CEP135: variants seen among roughly 807,000 people sequenced by gnomAD.
CEP135 encodes the protein centrosomal protein 135.
In CEP135, 142 loss-of-function variants were observed where a neutral mutation model predicts 157.3. The ratio of observed to expected loss-of-function variants is 0.90; its 90% confidence interval spans 0.79 to 1.04. CEP135 has a LOEUF of 1.04. Ranked by LOEUF, CEP135 falls within the 50% of genes least tolerant of loss-of-function variation. The pLI, the probability that CEP135 is intolerant of heterozygous loss-of-function variation, is 0.00. For missense variants in CEP135, 1,317 were observed against 1,309.2 expected, an observed-to-expected ratio of 1.01 and a Z score of -0.09; for synonymous variants, 396 against 439.8, an observed-to-expected ratio of 0.90 and a Z score of 1.25.
chr4:55,995,488 T>A (rs1729941071), intron 15 of CEP135, among the ~76,000 whole-genome samples: 1 of 152,196 alleles, frequency 6.6e-6, no homozygotes, highest in Non-Finnish European at 1.5e-5. Context: ...CCTGTTAGAC[T>A]GTGCCGGCTA....
intron 22 of CEP135, 88 bp from the exon 23 acceptor site, chr4:56,019,265 T>C: frequency 1.0e-6 from 1 of 1,000,318 alleles, no homozygotes; most frequent in Non-Finnish European, 1.5e-6. Context: ...AGGTGAATAG[T>C]TCCACAGAGC....
At chr4:56,029,685 A>T (rs536233864) in intron 25 of CEP135, among the ~76,000 whole-genome samples, 1 of 152,366 alleles carries the variant, frequency 6.6e-6, no homozygotes, top group South Asian at 2.1e-4. Context: ...CTCCTAGGCG[A>T]TAAATCTGTA....
intron 25 of CEP135, among the ~76,000 whole-genome samples, chr4:56,027,871 AT>A (rs980012936): frequency 3.3e-5 from 5 of 151,952 alleles, no homozygotes. Flanking sequence ...TAATTCTAAG[AT>A]TTTTTTATCT....
rs192304683 is a variant in CEP135 at position 56,000,714 on chromosome 4, G to A, written c.2280+1069G>A. The stretch of plus-strand genomic sequence containing the variant: ...ATAATATTTCCTGTGTATATATACC[G>A]GGGGCAGATATTTCTTTGATATATT... On this transcript the variant is annotated intron_variant, in intron 17 of 25. Coordinates refer to ENST00000257287, the MANE Select transcript of CEP135 (RefSeq NM_025009.5). Among the ~76,000 whole-genome samples the A allele has an allele frequency of 8.4e-4, 128 of 152,158 alleles. 1 individual carries two copies. The highest frequency in any genetic ancestry group is 2.9e-3 in the African/African-American group (121 of 41,508).
chr4:55,996,389 C>T (rs190123827), intron 15 of CEP135, among the ~76,000 whole-genome samples: 1 of 152,284 alleles, frequency 6.6e-6, no homozygotes, highest in Admixed American at 6.5e-5. Flanking sequence ...CCAAAGAAGA[C>T]TCATAAGTTA....
intron 15 of CEP135, among the ~76,000 whole-genome samples, chr4:55,995,212 C>T (rs1425124156): frequency 6.6e-6 from 1 of 152,168 alleles, no homozygotes; most frequent in South Asian, 2.1e-4. Context: ...TCCCCTGGAG[C>T]ATGCTAGCCA....
rs867294693 is a variant in CEP135, at chr4:56,019,409, T to G, written c.3069T>G (p.Leu1023=). The change falls in exon 23 of 26, where the codon CTT becomes CTG. Residue 1023 remains leucine, a synonymous_variant. Transcript: ENST00000257287. The stretch of plus-strand genomic sequence containing the variant: ...AGTCAGACCTACTGAAAAAACAACT[T>G]TCAAATGAGAGACATACAGTTAAAA... ...KSESDLLKKQ[L]SNERHTVKNL... 1.2e-6 allele frequency: 2 copies of G among 1,613,838 alleles called. No homozygotes were observed. The highest frequency in any genetic ancestry group is 1.7e-6 in the Non-Finnish European group (2 of 1,179,960).
chr4:55,961,542 A>T (rs1451539179), intron 6 of CEP135, among the ~76,000 whole-genome samples: 1 of 152,028 alleles, frequency 6.6e-6, no homozygotes, highest in Admixed American at 6.6e-5. Flanking sequence ...AGGCGAGCAG[A>T]TCACCTGAGG....
At chr4:56,017,551 A>G (rs1730816670) in intron 21 of CEP135, 97 bp from the exon 22 acceptor site, 1 of 1,100,682 alleles carries the variant, frequency 9.1e-7, no homozygotes. Flanking sequence ...ATTGGCTGTC[A>G]TATTTTTCTA....
intron 15 of CEP135, among the ~76,000 whole-genome samples, chr4:55,998,134 C>T (rs1033099297): frequency 6.6e-6 from 1 of 152,152 alleles, no homozygotes; most frequent in African/African-American, 2.4e-5. Context: ...GAATTCAAAC[C>T]TCCTTCCCTT....
intron 6 of CEP135, among the ~76,000 whole-genome samples, chr4:55,961,764 TAAA>T (rs564116620): frequency 0.22 from 11,387 of 52,846 alleles, 628 homozygotes; most frequent in Non-Finnish European, 0.26. Context: ...AAACTCTGTC[TAAA>T]AAAAAAAAAA....
At chr4:55,980,096 A>G in intron 11 of CEP135, 47 bp from the exon 12 acceptor site, 3 of 1,463,388 alleles carry the variant, frequency 2.1e-6, no homozygotes, top group Non-Finnish European at 2.8e-6. Context: ...TATCCTTGTG[A>G]CAACCATGTG....
At chr4:56,012,616 A>G (rs903186697) in intron 21 of CEP135, among the ~76,000 whole-genome samples, 25 of 152,226 alleles carry the variant, frequency 1.6e-4, no homozygotes, top group African/African-American at 5.3e-4. Flanking sequence ...GATACCTCAT[A>G]TAGTGGAATC....
intron 11 of CEP135, among the ~76,000 whole-genome samples, chr4:55,976,623 A>G (rs1032360014): frequency 1.4e-4 from 22 of 152,208 alleles, no homozygotes; most frequent in African/African-American, 5.1e-4. Context: ...GGTACCTGGC[A>G]TAGACAAAGA....
rs1477336965 is a variant in CEP135, at chr4:55,987,333, A to G, written c.1857+1975A>G. ...CTGAGCTCTACTCAGCCGAAAACTT[A>G]AAGGGTACCCTTTATAGATCTGTGG... On this transcript the variant is annotated intron_variant, in intron 14 of 25. Transcript: ENST00000257287. 3.9e-5 allele frequency among the ~76,000 whole-genome samples: 6 copies of G among 152,200 alleles called. No homozygotes were observed. The South Asian group carries it at 1.2e-3, about 32-fold the overall frequency.
intron 21 of CEP135, among the ~76,000 whole-genome samples, chr4:56,012,293 T>C (rs1391127148): frequency 2.0e-5 from 3 of 152,224 alleles, no homozygotes; most frequent in Admixed American, 6.5e-5. Context: ...TGACCTTGAG[T>C]GATCCACCTG....
chr4:56,008,509 G>A, intron 18 of CEP135, 127 bp downstream of exon 18: 1 of 712,336 alleles, frequency 1.4e-6, no homozygotes, highest in Non-Finnish European at 2.4e-6. Context: ...GTCAATGGTA[G>A]CATCATTTTC....
In CEP135 at chr4:56,032,842, A is replaced by AAAGTGTGT. The variant is rs1292885824; in HGVS notation, c.*1494_*1495insAAGTGTGT. 1.6e-5 allele frequency: 2 copies of AAAGTGTGT among 124,840 alleles called. No individual in the cohort carries two copies. The highest frequency in any genetic ancestry group is 6.4e-5 in the African/African-American group (2 of 31,324). The allele number at this position is 124,840 out of a possible 1,614,324, so 7.7% of individuals were successfully genotyped here. The stretch of plus-strand genomic sequence containing the variant: ...TTTGTTTCCTCTTGTGGTTTAATAA[A>AAAGTGTGT]GTGAAGTGTGTGTGTGTGTGTGTGT... On this transcript the variant is annotated 3_prime_UTR_variant, in exon 26 of 26. Coordinates refer to ENST00000257287, the MANE Select transcript of CEP135 (RefSeq NM_025009.5).
chr4:56,032,911 A>T lies in CEP135; in HGVS notation c.*1563A>T, dbSNP rs898081460. 1 of 151,570 alleles carries T rather than the reference A, an allele frequency of 6.6e-6. No individual in the cohort carries two copies. Among genetic ancestry groups the T allele is most frequent in the African/African-American group, 2.4e-5 (1 of 41,206 alleles). 9.4% of individuals were successfully genotyped at this position (151,570 alleles called of 1,614,324 possible). A position where few individuals can be genotyped will look rare whatever the true frequency, so the allele number is the denominator to read the frequency against. On this transcript the variant is annotated 3_prime_UTR_variant, in exon 26 of 26. Coordinates refer to ENST00000257287, the MANE Select transcript of CEP135 (RefSeq NM_025009.5). Reference sequence around the variant, plus strand: ...GCAGTGCTCTTTTTCTAAAACTAATATGGCTTATATATCTGAATTATGCCC... The same window carrying T: ...GCAGTGCTCTTTTTCTAAAACTAATTTGGCTTATATATCTGAATTATGCCC...
Sources: gnomAD v4.1 joint callset for allele counts (sites outside exome capture counted in the v4.1 genomes callset) on GRCh38, gnomAD v4.1.1 for gene constraint, MANE v1.5 for transcripts, NCBI Gene and HGNC (gene_info 2026-07-23, HGNC 2026-07-21) for gene names.